ANKS1B: variants seen among roughly 807,000 people sequenced by gnomAD.
The protein encoded by ANKS1B is ankyrin repeat and sterile alpha motif domain-containing protein 1B.
Under a neutral mutation model 148.3 loss-of-function variants are expected in ANKS1B, and 36 were observed. The observed-to-expected ratio is 0.24, with a 90% CI of 0.19 to 0.32. The LOEUF (loss-of-function observed/expected upper bound fraction) is 0.32. Ranked by LOEUF, ANKS1B falls within the 10% of genes least tolerant of loss-of-function variation. The pLI is 1.00. For missense variants in ANKS1B, 1,157 were observed against 1,542.6 expected, an observed-to-expected ratio of 0.75 and a Z score of 4.19; for synonymous variants, 542 against 560.8, an observed-to-expected ratio of 0.97 and a Z score of 0.47.
intron 10 of ANKS1B, among the ~76,000 whole-genome samples, chr12:99,479,035 CTA>C (rs1455170898): frequency 6.6e-6 from 1 of 151,862 alleles, no homozygotes. Flanking sequence ...TTTTTGTGTA[CTA>C]TGTCTTCATA....
At chr12:99,292,326 C>CTAAAAA (rs60100516) in intron 12 of ANKS1B, among the ~76,000 whole-genome samples, 21,483 of 139,430 alleles carry the variant, frequency 0.15, 2,515 homozygotes, top group African/African-American at 0.3. Context: ...CCCATCTCTA[C>CTAAAAA]TAAAAATAAA....
At chr12:99,214,052 G>C (rs1454877362) in intron 14 of ANKS1B, among the ~76,000 whole-genome samples, 1 of 151,750 alleles carries the variant, frequency 6.6e-6, no homozygotes, top group Non-Finnish European at 1.5e-5. Flanking sequence ...CCCAGAAGAA[G>C]TTTTAGAAAA....
intron 1 of ANKS1B, among the ~76,000 whole-genome samples, chr12:99,920,950 T>G (rs1463459173): frequency 2.6e-5 from 4 of 152,160 alleles, no homozygotes; most frequent in South Asian, 2.1e-4. Context: ...AAATAATGTT[T>G]TACCACTTAT....
intron 17 of ANKS1B, among the ~76,000 whole-genome samples, chr12:98,836,025 T>C (rs2099360862): frequency 6.6e-6 from 1 of 152,342 alleles, no homozygotes; most frequent in South Asian, 2.1e-4. Flanking sequence ...TCTGAGATTA[T>C]GAAATGCTAA....
rs928603001 is a variant in ANKS1B, at chr12:99,757,153, T to C, written c.1128+15769A>G. Among the ~76,000 whole-genome samples the C allele has an allele frequency of 5.9e-5, 9 of 151,500 alleles. No individual in the cohort carries two copies. The East Asian group carries it at 1.8e-3, about 30-fold the overall frequency. On this transcript the variant is annotated intron_variant, in intron 8 of 26. Coordinates refer to ENST00000683438, the MANE Select transcript of ANKS1B (RefSeq NM_001352186.2). ...ACAGCCAAAGAAACTATCAACAGAG[T>C]AAACAGAAAACCTACATATTGGGAG... is the stretch of plus-strand genomic sequence containing the variant.
At chr12:98,832,181 A>G (rs1222076399) in intron 17 of ANKS1B, 45 bp from the exon 18 acceptor site, 4 of 1,398,612 alleles carry the variant, frequency 2.9e-6, no homozygotes, top group Non-Finnish European at 3.9e-6. Flanking sequence ...TGGAGAACAA[A>G]TAATTTTTAT....
intron 1 of ANKS1B, among the ~76,000 whole-genome samples, chr12:99,898,252 A>C (rs574991440): frequency 6.6e-6 from 1 of 152,244 alleles, no homozygotes; most frequent in African/African-American, 2.4e-5. Context: ...TCTCACCACA[A>C]AGCCCTCAAT....
chr12:99,577,343 C>T (rs1319560344), intron 9 of ANKS1B, among the ~76,000 whole-genome samples: 2 of 148,006 alleles, frequency 1.4e-5, no homozygotes, highest in African/African-American at 4.9e-5. Flanking sequence ...AAAAGCAAAC[C>T]AACCCCGATG....
chr12:99,261,063 T>C (rs1040900384), intron 12 of ANKS1B, among the ~76,000 whole-genome samples: 4 of 152,116 alleles, frequency 2.6e-5, no homozygotes, highest in African/African-American at 7.2e-5. Context: ...TAACCTAAAG[T>C]AAGAAAATAT....
chr12:98,741,421 T>C (rs746390153), downstream of ANKS1B, among the ~76,000 whole-genome samples: 9 of 152,236 alleles, frequency 5.9e-5, no homozygotes, highest in Non-Finnish European at 1.2e-4. Flanking sequence ...CTCACACTTA[T>C]TTTTTAAAAC....
At chr12:98,819,539 A>G (rs1466490470) in intron 19 of ANKS1B, among the ~76,000 whole-genome samples, 1 of 152,250 alleles carries the variant, frequency 6.6e-6, no homozygotes, top group Non-Finnish European at 1.5e-5. Flanking sequence ...ATTTCAATTC[A>G]ATATAAGGCA....
intron 16 of ANKS1B, among the ~76,000 whole-genome samples, chr12:99,072,003 C>A (rs1017747354): frequency 8.5e-5 from 13 of 152,136 alleles, no homozygotes; most frequent in African/African-American, 3.1e-4. Context: ...TCTCTTCTAG[C>A]TTCTGATGGA....
intron 20 of ANKS1B, among the ~76,000 whole-genome samples, chr12:98,804,189 T>C (rs895055317): frequency 6.6e-6 from 1 of 152,186 alleles, no homozygotes; most frequent in African/African-American, 2.4e-5. Flanking sequence ...TAATACTTAT[T>C]TCATTTTCTT....
chr12:99,147,925 G>C (rs1601044492), intron 15 of ANKS1B, among the ~76,000 whole-genome samples: 1 of 151,930 alleles, frequency 6.6e-6, no homozygotes, highest in South Asian at 2.1e-4. Flanking sequence ...GAACAAGCAG[G>C]GGGCAGGGAA....
chr12:98,767,360 C>CTT (rs1457520075), intron 25 of ANKS1B, among the ~76,000 whole-genome samples: 1 of 152,134 alleles, frequency 6.6e-6, no homozygotes, highest in Non-Finnish European at 1.5e-5. Flanking sequence ...AGCTTAGATC[C>CTT]TCACATGGCC....
chr12:99,296,747 C>A (rs1454949444), intron 12 of ANKS1B, among the ~76,000 whole-genome samples: 2 of 152,028 alleles, frequency 1.3e-5, no homozygotes, highest in Non-Finnish European at 2.9e-5. Context: ...ATCCCTGAAG[C>A]CAAAAAGTGC....
chr12:99,657,659 A>ATATATATATATATATATATATT (rs66516058), intron 8 of ANKS1B, among the ~76,000 whole-genome samples: 262 of 146,802 alleles, frequency 1.8e-3, no homozygotes, highest in East Asian at 0.013. Flanking sequence ...ATATATATAT[A>ATATATATATATATATATATATT]TGATAAAGTT....
intron 1 of ANKS1B, among the ~76,000 whole-genome samples, chr12:99,885,858 G>A (rs1222609778): frequency 6.6e-6 from 1 of 152,042 alleles, no homozygotes; most frequent in Non-Finnish European, 1.5e-5. Flanking sequence ...TATGGTATTT[G>A]GTTTTCCATT....
intron 17 of ANKS1B, among the ~76,000 whole-genome samples, chr12:98,921,142 C>T (rs189222276): frequency 6.6e-6 from 1 of 152,186 alleles, no homozygotes; most frequent in African/African-American, 2.4e-5. Context: ...TTCCCTTCCC[C>T]TCTTCCTCAT....
Sources: allele counts gnomAD v4.1 joint callset (sites outside exome capture counted in the v4.1 genomes callset), GRCh38; gene constraint gnomAD v4.1.1; transcripts MANE v1.5; gene names NCBI Gene and HGNC (gene_info 2026-07-23, HGNC 2026-07-21).